The following TNRC6C variants were observed in gnomAD, a reference collection of about 807,000 sequenced individuals.
TNRC6C encodes the protein trinucleotide repeat containing adaptor 6C, also known as trinucleotide repeat-containing gene 6C protein.
Under a neutral mutation model 153.7 loss-of-function variants are expected in TNRC6C, and 20 were observed. That is an observed-to-expected ratio of 0.13 (90% confidence interval 0.09 to 0.19). TNRC6C has a LOEUF of 0.19. Ranked by LOEUF, TNRC6C falls within the 10% of genes least tolerant of loss-of-function variation. The pLI is 1.00. For synonymous variants in TNRC6C, 811 were observed against 841.4 expected, an observed-to-expected ratio of 0.96 and a Z score of 0.63; for missense variants, 1,987 against 2,172.0, an observed-to-expected ratio of 0.91 and a Z score of 1.69.
intron 1 of TNRC6C, among the ~76,000 whole-genome samples, chr17:77,991,887 G>C (rs1023964022): frequency 6.6e-6 from 1 of 152,142 alleles, no homozygotes; most frequent in Non-Finnish European, 1.5e-5. Flanking sequence ...AACTCAGTCC[G>C]ACCTCAGTTG....
At chr17:77,963,821 T>C (rs138901677) in intron 1 of TNRC6C, among the ~76,000 whole-genome samples, 22 of 152,350 alleles carry the variant, frequency 1.4e-4, no homozygotes, top group African/African-American at 5.1e-4. Flanking sequence ...TTCTAAAATA[T>C]AGTAGTGATT....
At chr17:78,061,029 G>A (rs751370894) in intron 3 of TNRC6C, among the ~76,000 whole-genome samples, 37 of 152,132 alleles carry the variant, frequency 2.4e-4, no homozygotes, top group Non-Finnish European at 5.0e-4. Context: ...CTGAAGGAAA[G>A]ATGAAGAATG....
chr17:78,056,007 C>T (rs549118487), intron 3 of TNRC6C, among the ~76,000 whole-genome samples: 22 of 152,258 alleles, frequency 1.4e-4, no homozygotes, highest in Middle Eastern at 6.8e-3. Flanking sequence ...CCCTTTGATA[C>T]GTGATCCTTA....
At position 78,031,683 on chromosome 17, in the gene TNRC6C, C is replaced by T. The variant is rs1001319750; in HGVS notation, c.-378C>T. Reference sequence around the variant, plus strand: ...GCCTCGTGAGGTGCCTCCACGCTTCCGCCAGCAAGAACAGAAGCAGCTATT... The same window carrying T: ...GCCTCGTGAGGTGCCTCCACGCTTCTGCCAGCAAGAACAGAAGCAGCTATT... On this transcript the variant is annotated 5_prime_UTR_variant, in exon 2 of 20. Transcript: ENST00000301624. 4.1e-6 allele frequency: 5 copies of T among 1,232,220 alleles called. No homozygotes were observed. In the African/African-American group the frequency reaches 4.7e-5, roughly 11 times the overall value. The allele number at this position is 1,232,220 out of a possible 1,614,324, so 76.3% of individuals were successfully genotyped here.
exon 20 of TNRC6C, chr17:78,106,458 C>T (rs1440114437): frequency 6.7e-6 from 1 of 149,476 alleles, no homozygotes; most frequent in Non-Finnish European, 1.5e-5. Flanking sequence ...CCAGGGCTCC[C>T]GAGGGCAGCT....
intron 1 of TNRC6C, chr17:78,012,006 G>A (rs529085318): frequency 6.6e-6 from 1 of 151,996 alleles, no homozygotes; most frequent in Non-Finnish European, 1.5e-5. Flanking sequence ...TTTCCAGATT[G>A]GTTTCTGATA....
In TNRC6C at chr17:78,049,079, C is replaced by T. The variant is rs760629345; in HGVS notation, c.17C>T (p.Ala6Val). 3.2e-6 allele frequency: 5 copies of T among 1,550,608 alleles called. No individual in the cohort carries two copies. In the South Asian group the frequency reaches 5.0e-5, roughly 16 times the overall value. ...AACAGTAGCATGGCTACAGGGAGTG[C>T]CCAGGGCAACTTCACTGGACATACC... The change falls in exon 3 of 20, where the codon GCC becomes GTC. Residue 6 changes from alanine to valine, a missense_variant. This residue lies in a region of TNRC6C where 1,052 missense variants were observed against 1,017.0 expected (regional missense o/e 1.03). Coordinates refer to ENST00000301624, the Ensembl canonical transcript of TNRC6C. This position sits in a 1 kb window ranked among gnomAD's most constrained non-coding sequence, Gnocchi z 4.1.
At chr17:78,093,543 A>G in intron 15 of TNRC6C, 77 bp from the exon 18 acceptor site, 1 of 1,561,036 alleles carries the variant, frequency 6.4e-7, no homozygotes, top group South Asian at 1.2e-5. Context: ...CAAACAGGAC[A>G]AAACATCTTT....
Position 78,082,377 on chromosome 17 carries a change from A to G in TNRC6C, c.3358-670A>G, listed in dbSNP as rs187917736. 3.1e-4 allele frequency among the ~76,000 whole-genome samples: 47 copies of G among 152,250 alleles called. No individual in the cohort carries two copies. The East Asian group carries it at 8.3e-3, about 27-fold the overall frequency. ...ATCGGTATGCAGAAGTACAGTATAC[A>G]GGGATAAGAATTTACAATATAGTGT... On this transcript the variant is annotated intron_variant, in intron 10 of 19. Transcript: ENST00000301624.
chr17:77,994,134 A>G (rs963267193), intron 1 of TNRC6C, among the ~76,000 whole-genome samples: 11 of 152,226 alleles, frequency 7.2e-5, no homozygotes, highest in Admixed American at 3.3e-4. Flanking sequence ...CGAAGGTTGC[A>G]GTGCACCGAG....
At chr17:78,043,777 GT>G (rs1376117634) in intron 2 of TNRC6C, among the ~76,000 whole-genome samples, 2 of 151,248 alleles carry the variant, frequency 1.3e-5, no homozygotes, top group African/African-American at 4.9e-5. Flanking sequence ...GTTCAATTAT[GT>G]TCGTTTTTAA....
intron 11 of TNRC6C, among the ~76,000 whole-genome samples, chr17:78,084,555 A>G (rs932358729): frequency 6.6e-6 from 1 of 151,926 alleles, no homozygotes; most frequent in Non-Finnish European, 1.5e-5. Flanking sequence ...TGGAAAGCAC[A>G]GAGCTCTAGA....
chr17:78,064,096 T>A (rs1032455171), intron 3 of TNRC6C, among the ~76,000 whole-genome samples: 8 of 152,182 alleles, frequency 5.3e-5, no homozygotes, highest in Non-Finnish European at 8.8e-5. Context: ...CAGGCTAGAG[T>A]GCAGTGGCAC....
intron 13 of TNRC6C, among the ~76,000 whole-genome samples, chr17:78,088,179 T>G (rs969719584): frequency 6.6e-6 from 1 of 152,208 alleles, no homozygotes; most frequent in African/African-American, 2.4e-5. Context: ...TGACATATTA[T>G]AAATGTGGTA....
chr17:78,020,408 T>G (rs994286295), intron 1 of TNRC6C, among the ~76,000 whole-genome samples: 2 of 152,206 alleles, frequency 1.3e-5, no homozygotes, highest in Admixed American at 1.3e-4. Flanking sequence ...GAGTAAATAG[T>G]TGTAAGGGAA....
intron 17 of TNRC6C, among the ~76,000 whole-genome samples, chr17:78,102,258 C>CA (rs1305815911): frequency 6.6e-6 from 1 of 152,102 alleles, no homozygotes; most frequent in Non-Finnish European, 1.5e-5. Context: ...TCCAAAAAGT[C>CA]AGAGTCACCA....
upstream of TNRC6C, among the ~76,000 whole-genome samples, chr17:78,001,705 A>G (rs774439085): frequency 6.6e-6 from 1 of 152,226 alleles, no homozygotes; most frequent in Non-Finnish European, 1.5e-5. Context: ...ATGTTTAAGT[A>G]TATATGTTTT....
At chr17:77,962,638 A>G (rs1301504259) in intron 1 of TNRC6C, among the ~76,000 whole-genome samples, 4 of 152,238 alleles carry the variant, frequency 2.6e-5, no homozygotes, top group East Asian at 1.9e-4. Flanking sequence ...GAAAGGGTCT[A>G]TATAAGCTGG....
intron 1 of TNRC6C, among the ~76,000 whole-genome samples, chr17:77,971,441 G>A (rs994280457): frequency 6.6e-6 from 1 of 152,094 alleles, no homozygotes; most frequent in Non-Finnish European, 1.5e-5. Context: ...CATACGCACT[G>A]AAGACACCAA....
Sources: allele counts gnomAD v4.1 joint callset (sites outside exome capture counted in the v4.1 genomes callset), GRCh38; gene constraint gnomAD v4.1.1; regional missense constraint gnomAD v4.1.1; non-coding constraint Gnocchi (gnomAD v3.1); transcripts MANE v1.5; gene names NCBI Gene and HGNC (gene_info 2026-07-23, HGNC 2026-07-21).